The following PRDM5 variants were observed in gnomAD, a reference collection of about 807,000 sequenced individuals.
PRDM5 encodes PR/SET domain 5.
PRDM5 carries 56 observed loss-of-function variants against 81.2 expected under a neutral mutation model. That is an observed-to-expected ratio of 0.69 (90% CI 0.56 to 0.86). The LOEUF (loss-of-function observed/expected upper bound fraction) is 0.86. Ranked by LOEUF, PRDM5 falls within the 40% of genes least tolerant of loss-of-function variation. PRDM5 has a pLI of 0.00. For missense variants in PRDM5, 697 were observed against 770.1 expected, an observed-to-expected ratio of 0.91 and a Z score of 1.12; for synonymous variants, 267 against 256.4, an observed-to-expected ratio of 1.04 and a Z score of -0.39.
chr4:120,704,088 C>T (rs1371307053), intron 15 of PRDM5, among the ~76,000 whole-genome samples: 1 of 152,116 alleles, frequency 6.6e-6, no homozygotes, highest in Non-Finnish European at 1.5e-5. Context: ...GAGCAAGATG[C>T]TGAAATCATT....
chr4:120,816,228 A>G (rs564364056), intron 7 of PRDM5: 16 of 658,636 alleles, frequency 2.4e-5, no homozygotes, highest in Non-Finnish European at 2.3e-5. Context: ...TAAGGCTTAC[A>G]GTTATAATTA....
At chr4:120,810,494 T>C (rs1753682562) in intron 8 of PRDM5, 1 of 152,082 alleles carries the variant, frequency 6.6e-6, no homozygotes, top group Non-Finnish European at 1.5e-5. Context: ...GCACCGAAAT[T>C]GGAATGTAAC....
chr4:120,895,680 G>T (rs1220094612), intron 2 of PRDM5: 1 of 152,158 alleles, frequency 6.6e-6, no homozygotes, highest in Non-Finnish European at 1.5e-5. Context: ...CGCTTTAATA[G>T]CAGGTTTTTG....
chr4:120,904,059 A>G (rs148608305), intron 2 of PRDM5, among the ~76,000 whole-genome samples: 12,572 of 151,760 alleles, frequency 0.083, 545 homozygotes, highest in East Asian at 0.15. Context: ...GTGTGGTGGC[A>G]TGCACCTGTA....
At chr4:120,861,122 C>T (rs1235051953) in intron 2 of PRDM5, among the ~76,000 whole-genome samples, 2 of 152,160 alleles carry the variant, frequency 1.3e-5, no homozygotes, top group African/African-American at 4.8e-5. Context: ...ATTCTCCAGC[C>T]TCAGCCTCCC....
At chr4:120,731,949 G>C (rs757232214) in intron 14 of PRDM5, among the ~76,000 whole-genome samples, 2 of 152,166 alleles carry the variant, frequency 1.3e-5, no homozygotes, top group South Asian at 4.1e-4. Context: ...ACACCAAGCT[G>C]GTTGAAAATA....
chr4:120,899,011 T>C (rs1209136110), intron 2 of PRDM5, among the ~76,000 whole-genome samples: 1 of 152,216 alleles, frequency 6.6e-6, no homozygotes, highest in Non-Finnish European at 1.5e-5. Context: ...CATAATTCTG[T>C]ATGTTCTCAT....
At chr4:120,737,269 G>C (rs1232113115) in intron 14 of PRDM5, among the ~76,000 whole-genome samples, 1 of 152,168 alleles carries the variant, frequency 6.6e-6, no homozygotes, top group Non-Finnish European at 1.5e-5. Context: ...TCAATGCAGA[G>C]CATCAAGTTC....
intron 7 of PRDM5, chr4:120,815,981 C>A: frequency 1.1e-5 from 2 of 189,648 alleles, no homozygotes; most frequent in Admixed American, 5.5e-5. Context: ...TTTGTTAATC[C>A]ATACATATTC....
chr4:120,799,990 C>T (rs1561285058), intron 8 of PRDM5, among the ~76,000 whole-genome samples: 3 of 152,100 alleles, frequency 2.0e-5, no homozygotes, highest in Non-Finnish European at 4.4e-5. Context: ...TACAGCTGTC[C>T]TATTTAGTAC....
intron 2 of PRDM5, among the ~76,000 whole-genome samples, chr4:120,873,104 C>A (rs534134969): frequency 1.7e-4 from 26 of 152,190 alleles, no homozygotes; most frequent in Admixed American, 1.4e-3. Context: ...TGGGTTCAAG[C>A]AATTCTCATG....
At chr4:120,754,743 G>C in intron 13 of PRDM5, 105 bp from the exon 14 acceptor site, 1 of 805,906 alleles carries the variant, frequency 1.2e-6, no homozygotes, top group East Asian at 2.6e-5. Context: ...CATATGCCCT[G>C]TGCTACTTCA....
chr4:120,790,200 T>C (rs1426053249), intron 10 of PRDM5, among the ~76,000 whole-genome samples: 1 of 152,214 alleles, frequency 6.6e-6, no homozygotes, highest in Admixed American at 6.5e-5. Flanking sequence ...GACCATTAAC[T>C]GAAAAGTTAA....
chr4:120,697,988 T>C (rs116101288), intron 15 of PRDM5, among the ~76,000 whole-genome samples: 2,143 of 152,100 alleles, frequency 0.014, 48 homozygotes, highest in African/African-American at 0.048. Context: ...TGTCAATAGA[T>C]TAATATTAAT....
At chr4:120,778,499 A>G (rs1346301010) in intron 12 of PRDM5, among the ~76,000 whole-genome samples, 1 of 152,204 alleles carries the variant, frequency 6.6e-6, no homozygotes, top group African/African-American at 2.4e-5. Context: ...TAACATTAAC[A>G]TAATTGACTT....
intron 13 of PRDM5, among the ~76,000 whole-genome samples, chr4:120,765,155 G>A (rs562895510): frequency 1.8e-3 from 274 of 152,108 alleles, no homozygotes; most frequent in South Asian, 5.0e-3. Context: ...ATCCAAATAC[G>A]ATCAAATAAT....
intron 14 of PRDM5, among the ~76,000 whole-genome samples, chr4:120,745,467 A>T (rs1396710273): frequency 1.3e-5 from 2 of 150,338 alleles, no homozygotes; most frequent in African/African-American, 5.0e-5. Flanking sequence ...AAGGGTATTC[A>T]ATTAGGAAAA....
chr4:120,801,208 G>C (rs1037640412), intron 8 of PRDM5, among the ~76,000 whole-genome samples: 8 of 152,230 alleles, frequency 5.3e-5, no homozygotes, highest in Non-Finnish European at 8.8e-5. Flanking sequence ...AGCCAAGACA[G>C]TGTCCCTGCA....
At chr4:120,721,694 T>A (rs1429531466) in intron 14 of PRDM5, among the ~76,000 whole-genome samples, 1 of 152,252 alleles carries the variant, frequency 6.6e-6, no homozygotes, top group Non-Finnish European at 1.5e-5. Context: ...AAGAAACATT[T>A]GTTTAAAAAC....
Sources: gnomAD v4.1 joint callset for allele counts (sites outside exome capture counted in the v4.1 genomes callset) on GRCh38, gnomAD v4.1.1 for gene constraint, MANE v1.5 for transcripts, NCBI Gene and HGNC (gene_info 2026-07-23, HGNC 2026-07-21) for gene names.